Variants in SYNPO2 observed in about 807,000 individuals in gnomAD.
SYNPO2 encodes synaptopodin 2, also known as synaptopodin-2.
SYNPO2 carries 56 observed loss-of-function variants against 85.0 expected under a neutral mutation model. That is an observed-to-expected ratio of 0.66 (90% confidence interval 0.53 to 0.82). SYNPO2 has a LOEUF of 0.82. Ranked by LOEUF, SYNPO2 falls within the 40% of genes least tolerant of loss-of-function variation. SYNPO2 has a pLI of 0.00. For missense variants in SYNPO2, 1,575 were observed against 1,534.2 expected (o/e 1.03, Z -0.44); for synonymous variants, 602 against 591.1 (o/e 1.02, Z -0.27).
At chr4:119,032,697 A>G (rs1049485370) in intron 4 of SYNPO2, 3 of 971,790 alleles carry the variant, frequency 3.1e-6, no homozygotes, top group African/African-American at 1.8e-5. Context: ...ATGTTTTTAC[A>G]TATATAAACT....
Position 119,026,848 on chromosome 4 carries a change from C to A in SYNPO2, c.479C>A (p.Thr160Lys). ...PDCAGSLKEE[T>K]GPSYQRAPQM... Reference sequence around the variant, plus strand: ...TGTGCAGGCAGCTTGAAAGAAGAAACAGGCCCGAGCTACCAAAGGGCTCCC... The same window carrying A: ...TGTGCAGGCAGCTTGAAAGAAGAAAAAGGCCCGAGCTACCAAAGGGCTCCC... Residue 160 changes from threonine (T) to lysine (K), a missense_variant, in exon 3 of 5, where the codon ACA becomes AAA. Transcript: ENST00000307142. 1 of 1,614,098 alleles carries A rather than the reference C, an allele frequency of 6.2e-7. No individual in the cohort carries two copies. Among genetic ancestry groups the A allele is most frequent in the South Asian group, 1.1e-5 (1 of 91,076 alleles).
At chr4:118,977,033 C>A (rs1735783322) in intron 1 of SYNPO2, among the ~76,000 whole-genome samples, 1 of 152,238 alleles carries the variant, frequency 6.6e-6, no homozygotes, top group Non-Finnish European at 1.5e-5. Context: ...GCCTGCCAGT[C>A]CGGCGCCGTG....
intron 1 of SYNPO2, among the ~76,000 whole-genome samples, chr4:118,983,519 A>AT (rs1736108622): frequency 6.6e-6 from 1 of 152,144 alleles, no homozygotes; most frequent in Non-Finnish European, 1.5e-5. Context: ...TCCTATTACC[A>AT]TGATGGCAGC....
chr4:118,944,579 C>G (rs1734431729), intron 1 of SYNPO2, among the ~76,000 whole-genome samples: 1 of 152,044 alleles, frequency 6.6e-6, no homozygotes, highest in Non-Finnish European at 1.5e-5. Flanking sequence ...GTTAGATGCT[C>G]TATGTTACGG....
chr4:118,917,313 C>A (rs1733373092), intron 1 of SYNPO2, among the ~76,000 whole-genome samples: 1 of 152,126 alleles, frequency 6.6e-6, no homozygotes, highest in Non-Finnish European at 1.5e-5. Flanking sequence ...ATCGCTTGAA[C>A]CCAGGAGGCA....
intron 1 of SYNPO2, among the ~76,000 whole-genome samples, chr4:118,945,052 C>T (rs947371778): frequency 2.0e-5 from 3 of 152,108 alleles, no homozygotes; most frequent in African/African-American, 7.2e-5. Flanking sequence ...TATCTTCTGG[C>T]ATTTCTGTTT....
chr4:118,904,442 A>T (rs1732864853), intron 1 of SYNPO2, among the ~76,000 whole-genome samples: 2 of 152,140 alleles, frequency 1.3e-5, no homozygotes, highest in South Asian at 4.1e-4. Flanking sequence ...TGAATAACCT[A>T]TTGCCCTTTA....
chr4:119,031,430 G>A lies in SYNPO2; in HGVS notation c.2655G>A (p.Lys885=). The A allele has an allele frequency of 6.2e-7, 1 of 1,614,190 alleles. No individual in the cohort carries two copies. Among genetic ancestry groups the A allele is most frequent in the South Asian group, 1.1e-5 (1 of 91,080 alleles). Residue 885 remains lysine, a synonymous_variant, in exon 4 of 5, where the codon AAG becomes AAA. Coordinates refer to ENST00000307142, the MANE Select transcript of SYNPO2 (RefSeq NM_133477.3). ...CTAAAAGGCAGTCGAGAATGGAGAA[G>A]TATGTGGTCGATTCAGACACGGTGC... ...LFAKRQSRME[K]YVVDSDTVQA...
At position 119,008,205 on chromosome 4, in the gene SYNPO2, C is replaced by T. The variant is rs1349204484; in HGVS notation, c.106-15225C>T. ...ATCCTGATGAGTTTAGTGCCCTTCT[C>T]ACTGTGGGTACTGGTGATTATCTGT... On this transcript the variant is annotated intron_variant, in intron 1 of 4. Transcript: ENST00000307142. Among the ~76,000 whole-genome samples, 3 of 152,098 alleles carry T rather than the reference C, an allele frequency of 2.0e-5. No individual in the cohort carries two copies. The East Asian group carries it at 5.8e-4, about 29-fold the overall frequency.
At chr4:118,947,061 C>G (rs1185628748) in intron 1 of SYNPO2, among the ~76,000 whole-genome samples, 1 of 152,164 alleles carries the variant, frequency 6.6e-6, no homozygotes, top group Non-Finnish European at 1.5e-5. Flanking sequence ...TCTGCTCTAT[C>G]AAAATGAATA....
chr4:118,972,557 T>G (rs1421835065), intron 1 of SYNPO2, among the ~76,000 whole-genome samples: 1 of 152,228 alleles, frequency 6.6e-6, no homozygotes, highest in Non-Finnish European at 1.5e-5. Flanking sequence ...CTCCAAGCCC[T>G]TCAAACTGTA....
chr4:118,879,280 A>C (rs191061754), intron 1 of SYNPO2, among the ~76,000 whole-genome samples: 30 of 152,290 alleles, frequency 2.0e-4, no homozygotes, highest in Non-Finnish European at 4.3e-4. Context: ...AATTCTGAAC[A>C]CAGAAGTGCC....
chr4:118,907,436 TA>T (rs1296512141), intron 1 of SYNPO2, among the ~76,000 whole-genome samples: 1 of 152,260 alleles, frequency 6.6e-6, no homozygotes, highest in African/African-American at 2.4e-5. Context: ...CTTAGCTGTC[TA>T]CTTCTATGAA....
chr4:119,026,830 G>T lies in SYNPO2; in HGVS notation c.461G>T (p.Gly154Val), dbSNP rs12645298. ...CAAAGAAGTGGTCCCGACTGTGCAG[G>T]CAGCTTGAAAGAAGAAACAGGCCCG... Reference protein sequence around the residue: ...ENQRSGPDCAGSLKEETGPSY... With the variant: ...ENQRSGPDCAVSLKEETGPSY... Residue 154 changes from glycine (G) to valine (V), a missense_variant, in exon 3 of 5, where the codon GGC becomes GTC. Gly to Val is a moderately radical substitution (Grantham distance 109). Transcript: ENST00000307142. 2.5e-6 allele frequency: 4 copies of T among 1,613,828 alleles called. No homozygotes were observed. Among genetic ancestry groups the T allele is most frequent in the Non-Finnish European group, 3.4e-6 (4 of 1,179,976 alleles).
chr4:119,029,716 A>G, intron 3 of SYNPO2, 129 bp from the exon 4 acceptor site: 1 of 965,036 alleles, frequency 1.0e-6, no homozygotes, highest in Non-Finnish European at 1.5e-6. Context: ...GGATTCCTTC[A>G]AAATTCTGTA....
At chr4:118,891,080 G>A (rs961355170) in intron 1 of SYNPO2, among the ~76,000 whole-genome samples, 11 of 152,168 alleles carry the variant, frequency 7.2e-5, no homozygotes, top group African/African-American at 2.7e-4. Flanking sequence ...GGGTGCTGTG[G>A]AGATTCTCTG....
chr4:118,921,654 T>C (rs925740547), intron 1 of SYNPO2, among the ~76,000 whole-genome samples: 1 of 152,114 alleles, frequency 6.6e-6, no homozygotes, highest in Admixed American at 6.6e-5. Flanking sequence ...AAGCCAAAGC[T>C]CTTTAATTTG....
At chr4:118,974,620 A>G (rs764208266) in intron 1 of SYNPO2, among the ~76,000 whole-genome samples, 11 of 152,324 alleles carry the variant, frequency 7.2e-5, no homozygotes, top group African/African-American at 1.4e-4. Flanking sequence ...TCTCACATAC[A>G]ATCAATGTTA....
chr4:119,026,221 T>C (rs905563678), intron 2 of SYNPO2, among the ~76,000 whole-genome samples: 4 of 152,230 alleles, frequency 2.6e-5, no homozygotes, highest in African/African-American at 7.2e-5. Flanking sequence ...GCTGGATATG[T>C]TTATGTGACT....
Sources: gnomAD v4.1 joint callset for allele counts (sites outside exome capture counted in the v4.1 genomes callset) on GRCh38, gnomAD v4.1.1 for gene constraint, MANE v1.5 for transcripts, NCBI Gene and HGNC (gene_info 2026-07-23, HGNC 2026-07-21) for gene names.